The following ARB2A variants were observed in gnomAD, a reference collection of about 807,000 sequenced individuals.
ARB2A encodes the protein ARB2 cotranscriptional regulator A.
At chr5:93,655,605 G>A in the ARB2A span, among the ~76,000 whole-genome samples, 1 of 152,102 alleles carries the variant, frequency 6.6e-6, no homozygotes. Context: ...AATACGCAAG[G>A]GAAAGAGCAA....
At chr5:93,744,591 G>A in the ARB2A span, among the ~76,000 whole-genome samples, 6 of 151,932 alleles carry the variant, frequency 3.9e-5, no homozygotes, top group Non-Finnish European at 7.4e-5. Flanking sequence ...TGCATGTACT[G>A]CCAAAAAGAA....
At chr5:94,101,819 T>C in the ARB2A span, among the ~76,000 whole-genome samples, 1 of 151,930 alleles carries the variant, frequency 6.6e-6, no homozygotes, top group African/African-American at 2.4e-5. Context: ...GGAGGGCAAT[T>C]AGCAGAAAAG....
chr5:93,677,919 G>T, the ARB2A span, among the ~76,000 whole-genome samples: 1 of 152,164 alleles, frequency 6.6e-6, no homozygotes, highest in Non-Finnish European at 1.5e-5. Flanking sequence ...CTGTGTAGCC[G>T]AATGTTTATG....
the ARB2A span, chr5:93,618,003 T>TA: frequency 3.3e-5 from 5 of 152,188 alleles, no homozygotes; most frequent in African/African-American, 1.2e-4. Context: ...GTTTTTGCTT[T>TA]AAAAAATCTC....
the ARB2A span, among the ~76,000 whole-genome samples, chr5:93,646,721 A>C: frequency 1.3e-5 from 2 of 152,108 alleles, no homozygotes; most frequent in Non-Finnish European, 2.9e-5. Flanking sequence ...GTGATACATC[A>C]TGTATAGTGA....
chr5:93,832,392 T>C, the ARB2A span, among the ~76,000 whole-genome samples: 1 of 152,168 alleles, frequency 6.6e-6, no homozygotes, highest in South Asian at 2.1e-4. Context: ...ATCAAAGCTA[T>C]GGTATACCAT....
At chr5:93,958,330 G>C in the ARB2A span, among the ~76,000 whole-genome samples, 1 of 151,940 alleles carries the variant, frequency 6.6e-6, no homozygotes, top group African/African-American at 2.4e-5. Flanking sequence ...AATAATATGA[G>C]ATTAATTCAA....
the ARB2A span, among the ~76,000 whole-genome samples, chr5:93,853,441 C>T: frequency 2.6e-5 from 4 of 152,114 alleles, no homozygotes; most frequent in Admixed American, 6.6e-5. Flanking sequence ...TAATTGAATA[C>T]CCTTTATTTC....
chr5:94,091,384 T>C, the ARB2A span, among the ~76,000 whole-genome samples: 2 of 152,304 alleles, frequency 1.3e-5, no homozygotes, highest in South Asian at 2.1e-4. Context: ...CAACCACCTG[T>C]CAAATACTTA....
chr5:93,822,051 C>T, the ARB2A span, among the ~76,000 whole-genome samples: 1 of 152,178 alleles, frequency 6.6e-6, no homozygotes, highest in South Asian at 2.1e-4. Context: ...TTCCTCCTCC[C>T]ATGCATGTGC....
At chr5:93,792,832 C>T in the ARB2A span, among the ~76,000 whole-genome samples, 1 of 151,546 alleles carries the variant, frequency 6.6e-6, no homozygotes, top group Admixed American at 6.6e-5. Context: ...CACCTGTACC[C>T]TAAAACTTAA....
At chr5:93,928,799 TATTA>T in the ARB2A span, among the ~76,000 whole-genome samples, 3 of 152,122 alleles carry the variant, frequency 2.0e-5, no homozygotes, top group African/African-American at 7.2e-5. Context: ...GGGAGTTTTG[TATTA>T]ATTATCAAAA....
the ARB2A span, among the ~76,000 whole-genome samples, chr5:93,635,063 C>T: frequency 2.0e-5 from 3 of 151,990 alleles, no homozygotes; most frequent in Non-Finnish European, 4.4e-5. Context: ...CATGAGCCAC[C>T]GCACCTGGCC....
chr5:93,925,314 T>G, the ARB2A span, among the ~76,000 whole-genome samples: 11 of 152,296 alleles, frequency 7.2e-5, no homozygotes, highest in South Asian at 1.0e-3. Flanking sequence ...GTTAAGAAAC[T>G]GTCTTAAAGA....
the ARB2A span, among the ~76,000 whole-genome samples, chr5:93,876,837 CA>C: frequency 2.0e-5 from 3 of 151,874 alleles, no homozygotes; most frequent in South Asian, 6.2e-4. Flanking sequence ...GTCAGAACAT[CA>C]AAAACATATT....
chr5:93,750,573 G>A, the ARB2A span, among the ~76,000 whole-genome samples: 2 of 152,088 alleles, frequency 1.3e-5, no homozygotes, highest in African/African-American at 2.4e-5. Flanking sequence ...CCAGATTGGA[G>A]TGCAGCAGCA....
At chr5:93,999,045 A>G in the ARB2A span, among the ~76,000 whole-genome samples, 1 of 152,082 alleles carries the variant, frequency 6.6e-6, no homozygotes, top group African/African-American at 2.4e-5. Context: ...CCTAAAGTTA[A>G]CATACTTTAA....
the ARB2A span, among the ~76,000 whole-genome samples, chr5:93,818,062 G>A: frequency 1.3e-5 from 2 of 151,368 alleles, no homozygotes; most frequent in Non-Finnish European, 2.9e-5. Context: ...AAATACAAAT[G>A]GCCAACAGCA....
chr5:94,071,481 C>T, the ARB2A span, among the ~76,000 whole-genome samples: 1 of 151,862 alleles, frequency 6.6e-6, no homozygotes, highest in Admixed American at 6.6e-5. Context: ...AGAAAATATT[C>T]ACAAAGAATA....
Sources: gnomAD v4.1 joint callset for allele counts (sites outside exome capture counted in the v4.1 genomes callset) on GRCh38, gnomAD v4.1.1 for gene constraint, MANE v1.5 for transcripts, NCBI Gene and HGNC (gene_info 2026-07-23, HGNC 2026-07-21) for gene names.